The following TEX10 variants were observed in gnomAD, a reference collection of about 807,000 sequenced individuals.
The protein encoded by TEX10 is testis-expressed protein 10.
In TEX10, 24 loss-of-function variants were observed where a neutral mutation model predicts 104.4. That is an observed-to-expected ratio of 0.23 (90% CI 0.17 to 0.32). The LOEUF (loss-of-function observed/expected upper bound fraction) is 0.32. Among genes scored for constraint, TEX10 ranks in the 10% least tolerant of loss-of-function variants. The pLI is 1.00. For synonymous variants in TEX10, 396 were observed against 393.4 expected, an observed-to-expected ratio of 1.01 and a Z score of -0.08; for missense variants, 921 against 1,083.9, an observed-to-expected ratio of 0.85 and a Z score of 2.11.
At chr9:100,338,671 C>T (rs764517674) in intron 5 of TEX10, among the ~76,000 whole-genome samples, 13 of 152,088 alleles carry the variant, frequency 8.5e-5, no homozygotes, top group Middle Eastern at 3.4e-3. Context: ...TAGTGGGTCA[C>T]GAGGTAAGGA....
intron 11 of TEX10, among the ~76,000 whole-genome samples, chr9:100,312,033 A>C (rs1834295618): frequency 6.6e-6 from 1 of 152,202 alleles, no homozygotes; most frequent in Admixed American, 6.5e-5. Flanking sequence ...TATCTTGTAG[A>C]TATTACCCAG....
At chr9:100,352,553 T>A in intron 1 of TEX10, 1 of 1,544,088 alleles carries the variant, frequency 6.5e-7, no homozygotes, top group Non-Finnish European at 8.7e-7. Context: ...ACCCGCCCAG[T>A]CACCTGAAGC....
chr9:100,327,784 T>C lies in TEX10; in HGVS notation c.1801+3A>G, dbSNP rs911471713. 8.3e-6 allele frequency: 13 copies of C among 1,562,492 alleles called. No homozygotes were observed. Among genetic ancestry groups the C allele is most frequent in the Middle Eastern group, 3.4e-4 (2 of 5,900 alleles). Reference sequence around the variant, plus strand: ...CCATACCATTAAACAAATGAACTCTTACCATAAATTCGGAGGGCAGTAGCT... The same window carrying C: ...CCATACCATTAAACAAATGAACTCTCACCATAAATTCGGAGGGCAGTAGCT... On this transcript the variant is annotated splice_donor_region_variant and intron_variant, in intron 8 of 14. Transcript: ENST00000374902.
Position 100,347,302 on chromosome 9 carries a change from G to A in TEX10, c.285C>T (p.His95=), listed in dbSNP as rs750538181. 1.2e-6 allele frequency: 2 copies of A among 1,614,134 alleles called. No individual in the cohort carries two copies. The highest frequency in any genetic ancestry group is 2.2e-5 in the South Asian group (2 of 91,084). The change falls in exon 3 of 15, where the codon CAC becomes CAT. Residue 95 remains histidine, a synonymous_variant. Transcript: ENST00000374902. ...LSQYPFIIDA[H]LSNILSEVTA... ...TCACTTCACTTAATATGTTTGAAAGGTGTGCATCAATTATAAATGGGTATT... is the reference window on the plus strand; with the variant it reads ...TCACTTCACTTAATATGTTTGAAAGATGTGCATCAATTATAAATGGGTATT...
intron 1 of TEX10, 57 bp from the exon 2 acceptor site, chr9:100,349,429 A>G (rs1835384837): frequency 8.1e-7 from 1 of 1,228,836 alleles, no homozygotes; most frequent in Non-Finnish European, 1.1e-6. Flanking sequence ...AAATTATGAA[A>G]AAAGGCACTT....
At chr9:100,311,983 G>T (rs536168313) in intron 11 of TEX10, among the ~76,000 whole-genome samples, 60 of 152,148 alleles carry the variant, frequency 3.9e-4, no homozygotes, top group African/African-American at 1.2e-3. Flanking sequence ...AGTGTGTGGG[G>T]GGGGGAATCA....
At chr9:100,334,871 G>T (rs1305222168) in intron 5 of TEX10, among the ~76,000 whole-genome samples, 2 of 152,082 alleles carry the variant, frequency 1.3e-5, no homozygotes, top group African/African-American at 4.8e-5. Context: ...CGCCACGTTG[G>T]CCAGGCCAGT....
At chr9:100,309,181 C>G (rs143571637) in intron 12 of TEX10, among the ~76,000 whole-genome samples, 1 of 152,278 alleles carries the variant, frequency 6.6e-6, no homozygotes, top group East Asian at 1.9e-4. Flanking sequence ...AATAAACATA[C>G]CTCTACTGGA....
intron 1 of TEX10, among the ~76,000 whole-genome samples, chr9:100,350,631 A>G (rs1023810415): frequency 6.6e-6 from 1 of 152,192 alleles, no homozygotes; most frequent in Non-Finnish European, 1.5e-5. Flanking sequence ...CTCCTGGTTT[A>G]TCATAATTAT....
intron 5 of TEX10, among the ~76,000 whole-genome samples, chr9:100,335,030 C>G (rs1408157291): frequency 7.2e-5 from 11 of 152,098 alleles, no homozygotes; most frequent in Non-Finnish European, 2.9e-5. Context: ...CACAGTTTGT[C>G]AGTCATTTTT....
intron 9 of TEX10, among the ~76,000 whole-genome samples, chr9:100,325,370 A>G (rs552300845): frequency 6.6e-6 from 1 of 152,312 alleles, no homozygotes; most frequent in African/African-American, 2.4e-5. Context: ...TCAGAGTAAA[A>G]TGGCACAGCC....
intron 14 of TEX10, among the ~76,000 whole-genome samples, chr9:100,302,765 T>G (rs1054770762): frequency 6.6e-6 from 1 of 152,180 alleles, no homozygotes; most frequent in Non-Finnish European, 1.5e-5. Context: ...TCACTATTTC[T>G]GAATTATTCC....
chr9:100,343,143 A>T (rs906507674), intron 4 of TEX10, among the ~76,000 whole-genome samples: 3 of 146,390 alleles, frequency 2.0e-5, no homozygotes, highest in Non-Finnish European at 4.5e-5. Context: ...TCTCCAAAAA[A>T]AAATAAATAA....
chr9:100,319,153 A>G (rs981998331), intron 11 of TEX10, among the ~76,000 whole-genome samples: 5 of 151,900 alleles, frequency 3.3e-5, no homozygotes, highest in African/African-American at 7.3e-5. Flanking sequence ...GACAGCACCA[A>G]TGCACTCCAG....
intron 9 of TEX10, among the ~76,000 whole-genome samples, chr9:100,324,640 C>T (rs1187222529): frequency 6.6e-6 from 1 of 152,044 alleles, no homozygotes; most frequent in East Asian, 1.9e-4. Context: ...AAAAAAACCC[C>T]AAGATTTTAA....
chr9:100,338,474 T>G (rs985210787), intron 5 of TEX10, among the ~76,000 whole-genome samples: 1 of 152,202 alleles, frequency 6.6e-6, no homozygotes, highest in Non-Finnish European at 1.5e-5. Context: ...TCCAAGCTTC[T>G]TCCCTTCTTT....
intron 5 of TEX10, among the ~76,000 whole-genome samples, chr9:100,331,026 C>A (rs1834849547): frequency 6.6e-6 from 1 of 151,662 alleles, no homozygotes; most frequent in South Asian, 2.1e-4. Context: ...GAAGCCGAGG[C>A]AGGTGGATCA....
intron 14 of TEX10, 99 bp downstream of exon 14, chr9:100,303,533 G>A: frequency 7.6e-7 from 1 of 1,319,454 alleles, no homozygotes; most frequent in East Asian, 2.3e-5. Flanking sequence ...TCAATGTATG[G>A]GATCCCTTTC....
intron 4 of TEX10, among the ~76,000 whole-genome samples, chr9:100,343,282 T>C (rs561579410): frequency 1.3e-5 from 2 of 150,456 alleles, no homozygotes; most frequent in Non-Finnish European, 2.9e-5. Flanking sequence ...CAAGTGCTTA[T>C]TGTATTCCTT....
Sources: allele counts gnomAD v4.1 joint callset (sites outside exome capture counted in the v4.1 genomes callset), GRCh38; gene constraint gnomAD v4.1.1; transcripts MANE v1.5; gene names NCBI Gene and HGNC (gene_info 2026-07-23, HGNC 2026-07-21).